SAXO5: variants seen among roughly 807,000 people sequenced by gnomAD.
The protein encoded by SAXO5 is testis expressed 45.
the SAXO5 span, chr19:7,504,271 G>C: frequency 6.2e-7 from 1 of 1,613,538 alleles, no homozygotes; most frequent in South Asian, 1.1e-5. Flanking sequence ...AGAATTGGGG[G>C]CTGGGTGGTT....
At chr19:7,502,739 C>T in the SAXO5 span, among the ~76,000 whole-genome samples, 1 of 152,128 alleles carries the variant, frequency 6.6e-6, no homozygotes, top group East Asian at 1.9e-4. Context: ...AGGGAGTTAA[C>T]CTCTCCAAGC....
the SAXO5 span, chr19:7,504,317 T>C: frequency 6.2e-7 from 1 of 1,614,054 alleles, no homozygotes; most frequent in Non-Finnish European, 8.5e-7. Flanking sequence ...ACAGGCCTCC[T>C]CCGGAGTGGA....
chr19:7,501,520 G>A, the SAXO5 span: 2 of 1,218,878 alleles, frequency 1.6e-6, no homozygotes, highest in Non-Finnish European at 2.1e-6. Flanking sequence ...AACGCTTTTG[G>A]TGGTCAGGAC....
At chr19:7,505,250 T>G in the SAXO5 span, 277 of 1,414,082 alleles carry the variant, frequency 2.0e-4, no homozygotes, top group Non-Finnish European at 2.5e-4. Context: ...CCCAAAGTGC[T>G]GAGATTACAG....
chr19:7,508,392 C>A, the SAXO5 span: 1 of 1,613,280 alleles, frequency 6.2e-7, no homozygotes, highest in African/African-American at 1.3e-5. Context: ...CCCTCTGGTC[C>A]CCCAGCCCCC....
the SAXO5 span, chr19:7,505,283 C>G: frequency 6.3e-7 from 1 of 1,597,226 alleles, no homozygotes; most frequent in Admixed American, 1.7e-5. Flanking sequence ...ATGCCCAGCC[C>G]ACTTTACCTT....
the SAXO5 span, among the ~76,000 whole-genome samples, chr19:7,507,516 G>T: frequency 6.6e-6 from 1 of 151,942 alleles, no homozygotes; most frequent in Non-Finnish European, 1.5e-5. Flanking sequence ...GGAGGCAGAG[G>T]TTTCAGTGAG....
chr19:7,505,353 T>A, the SAXO5 span: 1 of 1,614,180 alleles, frequency 6.2e-7, no homozygotes, highest in Non-Finnish European at 8.5e-7. Context: ...ACAGCCCACA[T>A]CCACTGTGTA....
At chr19:7,501,968 GGTGGCT>G in the SAXO5 span, among the ~76,000 whole-genome samples, 3 of 152,046 alleles carry the variant, frequency 2.0e-5, no homozygotes, top group Non-Finnish European at 2.9e-5. Flanking sequence ...GGCCACCCGC[GGTGGCT>G]CACGCCTGTA....
chr19:7,504,973 CTTCTTTTTTTTT>C, the SAXO5 span, among the ~76,000 whole-genome samples: 7 of 146,664 alleles, frequency 4.8e-5, no homozygotes, highest in East Asian at 4.1e-4. Flanking sequence ...GCTTCTTCTT[CTTCTTTTTTTTT>C]TTCTTTTTTT....
the SAXO5 span, chr19:7,508,151 G>T: frequency 6.8e-7 from 1 of 1,478,534 alleles, no homozygotes; most frequent in East Asian, 2.3e-5. Context: ...GGTGGACAGG[G>T]TGGATCGGCC....
chr19:7,499,379 GGGGC>G, the SAXO5 span, among the ~76,000 whole-genome samples: 3 of 135,904 alleles, frequency 2.2e-5, no homozygotes, highest in African/African-American at 8.0e-5. Context: ...GGAGGGGGGA[GGGGC>G]GGGGGAGGGG....
At chr19:7,506,207 C>CA in the SAXO5 span, 82 of 1,452,800 alleles carry the variant, frequency 5.6e-5, no homozygotes, top group Admixed American at 6.9e-5. Flanking sequence ...AGCCCCGCCC[C>CA]GGGAAGCCCC....
chr19:7,506,190 C>T, the SAXO5 span: 6 of 1,544,418 alleles, frequency 3.9e-6, no homozygotes, highest in African/African-American at 5.5e-5. Context: ...GAAGCCCCGC[C>T]CCATGGAGCC....
chr19:7,499,810 A>G, the SAXO5 span: 1 of 152,018 alleles, frequency 6.6e-6, no homozygotes, highest in Non-Finnish European at 1.5e-5. Flanking sequence ...CTGTCTCTAA[A>G]AAAAAAAATA....
the SAXO5 span, among the ~76,000 whole-genome samples, chr19:7,500,280 C>T: frequency 6.6e-6 from 1 of 151,784 alleles, no homozygotes; most frequent in Non-Finnish European, 1.5e-5. Context: ...TGTGCCAGGC[C>T]TACAGTAGGC....
the SAXO5 span, chr19:7,508,075 C>T: frequency 1.3e-5 from 9 of 685,392 alleles, no homozygotes; most frequent in African/African-American, 1.8e-5. Context: ...ACACTGGCTC[C>T]GCCCCGACCA....
At chr19:7,507,145 A>G in the SAXO5 span, 2 of 1,612,866 alleles carry the variant, frequency 1.2e-6, no homozygotes, top group Non-Finnish European at 1.7e-6. Context: ...ACAGCGGGTA[A>G]GGGAGGCGGA....
chr19:7,505,481 C>T, the SAXO5 span: 4 of 1,613,752 alleles, frequency 2.5e-6, no homozygotes, highest in Non-Finnish European at 3.4e-6. Flanking sequence ...ACCGCAGCCT[C>T]CCAGGGCAGC....
Sources: gnomAD v4.1 joint callset for allele counts (sites outside exome capture counted in the v4.1 genomes callset) on GRCh38, gnomAD v4.1.1 for gene constraint, MANE v1.5 for transcripts, NCBI Gene and HGNC (gene_info 2026-07-23, HGNC 2026-07-21) for gene names.